The following ASPH variants were observed in gnomAD, a reference collection of about 807,000 sequenced individuals.
ASPH encodes the protein aspartate beta-hydroxylase, also known as aspartyl/asparaginyl beta-hydroxylase.
ASPH carries 100 observed loss-of-function variants against 118.4 expected under a neutral mutation model. That is an observed-to-expected ratio of 0.84 (90% CI 0.72 to 1.00). The LOEUF (loss-of-function observed/expected upper bound fraction) is 1.00, where lower values mean the gene tolerates loss of function less well. Among genes scored for constraint, ASPH ranks in the 50% least tolerant of loss-of-function variants. ASPH has a pLI of 0.00. For missense variants in ASPH, 920 were observed against 919.5 expected (o/e 1.00, Z -0.01); for synonymous variants, 315 against 325.6 (o/e 0.97, Z 0.35).
intron 16 of ASPH, 126 bp downstream of exon 16, chr8:61,576,646 G>A (rs1460370700): frequency 4.1e-6 from 3 of 724,480 alleles, no homozygotes; most frequent in African/African-American, 1.8e-5. Context: ...TCTTGCTTAT[G>A]CATATACATG....
At chr8:61,604,902 A>C (rs1344543459) in intron 14 of ASPH, among the ~76,000 whole-genome samples, 1 of 152,244 alleles carries the variant, frequency 6.6e-6, no homozygotes, top group African/African-American at 2.4e-5. Context: ...AATTTAAAGC[A>C]TACATGGAAA....
rs1334782620 is a variant in ASPH at position 61,643,766 on chromosome 8, C to T, written c.709+179G>A. The stretch of plus-strand genomic sequence containing the variant: ...AATACGTCTCCTTTTTCTCTCATCC[C>T]TCTATGTAGTATTAAACTATATTCA... On this transcript the variant is annotated intron_variant, in intron 8 of 24. Coordinates refer to ENST00000379454, the MANE Select transcript of ASPH (RefSeq NM_004318.4). Among the ~76,000 whole-genome samples the T allele has an allele frequency of 2.6e-5, 4 of 152,216 alleles. No individual in the cohort carries two copies. The East Asian group carries it at 7.7e-4, about 29-fold the overall frequency.
intron 14 of ASPH, among the ~76,000 whole-genome samples, chr8:61,588,044 T>C (rs1480602973): frequency 6.6e-6 from 1 of 152,228 alleles, no homozygotes; most frequent in African/African-American, 2.4e-5. Flanking sequence ...ATTTTCAGTA[T>C]TTAAATTATG....
At chr8:61,514,111 A>T (rs1809952047) in intron 24 of ASPH, among the ~76,000 whole-genome samples, 2 of 151,816 alleles carry the variant, frequency 1.3e-5, no homozygotes, top group African/African-American at 4.8e-5. Context: ...TGCCTCAGCC[A>T]CTGGAGGCCC....
intron 21 of ASPH, among the ~76,000 whole-genome samples, chr8:61,527,062 T>C (rs545516922): frequency 1.6e-3 from 245 of 152,304 alleles, no homozygotes; most frequent in Non-Finnish European, 2.9e-3. Flanking sequence ...TATAGATTCA[T>C]GGACAGGGAG....
chr8:61,556,657 G>A (rs1472567516), intron 18 of ASPH, among the ~76,000 whole-genome samples: 2 of 152,170 alleles, frequency 1.3e-5, no homozygotes, highest in African/African-American at 4.8e-5. Context: ...ATGATTTAAA[G>A]ATAAATTATG....
At chr8:61,624,535 T>C (rs985610069) in intron 13 of ASPH, 4 of 965,830 alleles carry the variant, frequency 4.1e-6, no homozygotes, top group African/African-American at 3.5e-5. Context: ...AATGACAATA[T>C]AGAGAATTCT....
At chr8:61,577,035 T>C (rs1835385915) in intron 15 of ASPH, among the ~76,000 whole-genome samples, 177 bp from the exon 16 acceptor site, 1 of 152,164 alleles carries the variant, frequency 6.6e-6, no homozygotes, top group African/African-American at 2.4e-5. Context: ...AGAAAACTAG[T>C]AATGAACACA....
intron 3 of ASPH, chr8:61,668,284 AT>A: frequency 6.2e-7 from 1 of 1,603,106 alleles, no homozygotes; most frequent in Non-Finnish European, 8.5e-7. Context: ...TTCTGTTGAC[AT>A]TTACAAGATG....
At position 61,567,332 on chromosome 8, in the gene ASPH, C is replaced by A. The variant is rs573212246; in HGVS notation, c.1150-14G>T. ...ATCATCCTCACACTAGAAGAAGTCCCCAGACTGGATAAATGTCCCATGACT... is the reference window on the plus strand; with the variant it reads ...ATCATCCTCACACTAGAAGAAGTCCACAGACTGGATAAATGTCCCATGACT... On this transcript the variant is annotated splice_polypyrimidine_tract_variant and intron_variant, in intron 16 of 24. Transcript: ENST00000379454. 1 of 1,607,680 alleles carries A rather than the reference C, an allele frequency of 6.2e-7. No individual in the cohort carries two copies. Among genetic ancestry groups the A allele is most frequent in the East Asian group, 2.2e-5 (1 of 44,690 alleles).
chr8:61,582,601 T>C (rs1837918145), intron 15 of ASPH, among the ~76,000 whole-genome samples: 1 of 152,248 alleles, frequency 6.6e-6, no homozygotes, highest in Non-Finnish European at 1.5e-5. Flanking sequence ...TGCAATATTC[T>C]GTGGAGTTAC....
At chr8:61,611,811 A>T in intron 14 of ASPH, among the ~76,000 whole-genome samples, 1 of 151,860 alleles carries the variant, frequency 6.6e-6, no homozygotes, top group East Asian at 1.9e-4. Context: ...ATTAAAAGCC[A>T]AAAATCCTGA....
intron 1 of ASPH, among the ~76,000 whole-genome samples, chr8:61,699,612 G>A (rs922283357): frequency 6.6e-6 from 1 of 151,668 alleles, no homozygotes; most frequent in Non-Finnish European, 1.5e-5. Flanking sequence ...AAATCAAAAA[G>A]TTTCTCTTAA....
chr8:61,630,923 C>A (rs1201030202), intron 13 of ASPH, among the ~76,000 whole-genome samples: 1 of 151,984 alleles, frequency 6.6e-6, no homozygotes, highest in Non-Finnish European at 1.5e-5. Context: ...ACATGAAGAC[C>A]TTTCAATGGG....
At chr8:61,587,598 A>T (rs1006455667) in intron 14 of ASPH, among the ~76,000 whole-genome samples, 5 of 152,244 alleles carry the variant, frequency 3.3e-5, no homozygotes, top group African/African-American at 4.8e-5. Flanking sequence ...CAGCAAAATT[A>T]TATGCTTGTT....
In ASPH at chr8:61,606,584, T is replaced by A. The variant is rs1039621804; in HGVS notation, c.976+12394A>T. 5 of 152,212 alleles carry A rather than the reference T, an allele frequency of 3.3e-5. No homozygotes were observed. In the South Asian group the frequency reaches 1.0e-3, roughly 32 times the overall value. 9.4% of individuals were successfully genotyped at this position (152,212 alleles called of 1,614,324 possible). The stretch of plus-strand genomic sequence containing the variant: ...TCAGATAAATAATATATACATATAA[T>A]CATAGATGTAGGTGCTAATTAAATC... On this transcript the variant is annotated intron_variant, in intron 14 of 24. Coordinates refer to ENST00000379454, the MANE Select transcript of ASPH (RefSeq NM_004318.4).
At chr8:61,576,666 T>A in intron 16 of ASPH, 106 bp downstream of exon 16, 2 of 945,264 alleles carry the variant, frequency 2.1e-6, no homozygotes, top group Non-Finnish European at 3.2e-6. Flanking sequence ...GAGAAACTGA[T>A]TCTGTAGAGA....
intron 1 of ASPH, among the ~76,000 whole-genome samples, chr8:61,685,349 A>G (rs1409785684): frequency 1.3e-5 from 2 of 152,196 alleles, no homozygotes; most frequent in Non-Finnish European, 2.9e-5. Flanking sequence ...CAACAGGAAG[A>G]AGGACAGGAA....
At chr8:61,583,386 C>T (rs7821652) in intron 15 of ASPH, 132,226 of 151,976 alleles carry the variant, frequency 0.87, 57,764 homozygotes, top group African/African-American at 0.91. Flanking sequence ...ATGGTGAAAC[C>T]CTGTCTCTAC....
Sources: gnomAD v4.1 joint callset for allele counts (sites outside exome capture counted in the v4.1 genomes callset) on GRCh38, gnomAD v4.1.1 for gene constraint, MANE v1.5 for transcripts, NCBI Gene and HGNC (gene_info 2026-07-23, HGNC 2026-07-21) for gene names.